The following PTCH2 variants were observed in gnomAD, a reference collection of about 807,000 sequenced individuals.
PTCH2 encodes the protein patched 2, also known as protein patched homolog 2.
A neutral mutation model predicts 117.9 loss-of-function variants in PTCH2; 96 were observed. That is an observed-to-expected ratio of 0.81 (90% CI 0.69 to 0.96). The LOEUF is 0.96. Ranked by LOEUF, PTCH2 falls within the 50% of genes least tolerant of loss-of-function variation. The pLI, the probability that PTCH2 is intolerant of heterozygous loss-of-function variation, is 0.00. For synonymous variants in PTCH2, 615 were observed against 660.9 expected (o/e 0.93, Z 1.06); for missense variants, 1,379 against 1,562.5 (o/e 0.88, Z 1.98).
rs2148877300 is a variant in PTCH2, at chr1:44,829,276, A to G, written c.1252T>C (p.Cys418Arg). The G allele has an allele frequency of 1.9e-6, 3 of 1,613,546 alleles. No individual in the cohort carries two copies. The East Asian group carries it at 6.7e-5, about 36-fold the overall frequency. Residue 418 changes from cysteine (C) to arginine (R), a missense_variant, in exon 10 of 22, where the codon TGC becomes CGC. Cys to Arg is a radical substitution (Grantham distance 180, BLOSUM62 -3). Coordinates refer to ENST00000372192, the MANE Select transcript of PTCH2 (RefSeq NM_003738.5). ...YACVTMLRWDCAQSQGSVGLA... is the reference protein window; with the variant it reads ...YACVTMLRWDRAQSQGSVGLA... ...CCCACGGAACCCTGGGACTGGGCGCAGTCCCACCGCAGCATGGTCACACAG... is the reference window on the plus strand; with the variant it reads ...CCCACGGAACCCTGGGACTGGGCGCGGTCCCACCGCAGCATGGTCACACAG...
chr1:44,826,927 GT>G lies in PTCH2; in HGVS notation c.2669del (p.Tyr890SerfsTer103), dbSNP rs1484736031. On this transcript the variant is annotated frameshift_variant, in exon 17 of 22. Coordinates refer to ENST00000372192, the MANE Select transcript of PTCH2 (RefSeq NM_003738.5). LOFTEE classifies it high-confidence loss of function. The surrounding 1 kb of genome is among the most constrained non-coding windows in gnomAD (Gnocchi z 5.1). ...PPPPEWLHDKYDTTGENLRIP... is the reference protein window; with the variant it reads ...PPPPEWLHDKXDTTGENLRIP... The stretch of plus-strand genomic sequence containing the variant: ...TGCGAAGGTTCTCCCCCGTGGTGTC[GT>G]ATTTGTCGTGCAGCCATTCAGGAGG... 2.5e-6 allele frequency: 4 copies of G among 1,613,958 alleles called. No homozygotes were observed. In the African/African-American group the frequency reaches 5.3e-5, roughly 22 times the overall value.
downstream of PTCH2, chr1:44,820,117 G>C (rs1652854718): frequency 3.0e-6 from 1 of 334,860 alleles, no homozygotes; most frequent in African/African-American, 2.2e-5. Flanking sequence ...ATGCGTGTAA[G>C]AGGCATCATG....
At position 44,828,310 on chromosome 1, in the gene PTCH2, G is replaced by A. The variant is rs1489608092; in HGVS notation, c.1695C>T (p.Leu565=). The A allele has an allele frequency of 1.2e-6, 2 of 1,613,904 alleles. No individual in the cohort carries two copies. The highest frequency in any genetic ancestry group is 1.7e-6 in the Non-Finnish European group (2 of 1,179,914). The part of the protein sequence containing the change: ...RRRHCQRLDV[L]CCFSSPCSAQ... The stretch of plus-strand genomic sequence containing the variant: ...GCAGGCAGTACCTGGAGAAGCAGCA[G>A]AGCACATCAAGGCGCTGGCAGTGGC... Residue 565 remains leucine (L), a synonymous_variant, in exon 13 of 22, where the codon CTC becomes CTT. Coordinates refer to ENST00000372192, the MANE Select transcript of PTCH2 (RefSeq NM_003738.5).
chr1:44,841,745 C>A, intron 2 of PTCH2, 102 bp downstream of exon 2: 2 of 1,341,286 alleles, frequency 1.5e-6, no homozygotes, highest in Non-Finnish European at 2.1e-6. Context: ...GACCCTCCAG[C>A]CCCAGGGCCA....
chr1:44,842,126 G>T, intron 1 of PTCH2, 87 bp from the exon 2 acceptor site: 1 of 1,316,926 alleles, frequency 7.6e-7, no homozygotes, highest in Non-Finnish European at 1.1e-6. Context: ...CTGCTGCCCA[G>T]CCCTCGCTTC....
chr1:44,828,954 AG>A (rs1452895049), intron 11 of PTCH2, 27 bp downstream of exon 11: 3 of 1,548,030 alleles, frequency 1.9e-6, no homozygotes, highest in Non-Finnish European at 2.6e-6. Flanking sequence ...GAGCTGCCTC[AG>A]ATGAGCCCTG....
rs1438532507 is a variant in PTCH2 at position 44,841,841 on chromosome 1, A to G, written c.265+6T>C. The G allele has an allele frequency of 6.2e-7, 1 of 1,613,930 alleles. No individual in the cohort carries two copies. ...TGAGCAGCTATGGCCAGTGTCCACA[A>G]CTTACCTTCTACCCAGAGCTGTTCC... is the stretch of plus-strand genomic sequence containing the variant. On this transcript the variant is annotated splice_donor_region_variant and intron_variant, in intron 2 of 21. Coordinates refer to ENST00000372192, the MANE Select transcript of PTCH2 (RefSeq NM_003738.5).
At chr1:44,820,390 C>T (rs1057408841), downstream of PTCH2, 1 of 614,572 alleles carries the variant, frequency 1.6e-6, no homozygotes, top group Non-Finnish European at 3.0e-6. Context: ...CCTGTCCCGC[C>T]GTCCTTACCC....
chr1:44,832,113 G>A lies in PTCH2; in HGVS notation c.455+39C>T, dbSNP rs368917372. 59 of 1,613,304 alleles carry A rather than the reference G, an allele frequency of 3.7e-5. 1 individual carries two copies. In the Middle Eastern group the frequency reaches 9.9e-4, roughly 27 times the overall value. ...TCCCACTCCAGAACCCCCACAGCACGCCTCGCCCCCAGCTGCTCAGGGGCT... is the reference window on the plus strand; with the variant it reads ...TCCCACTCCAGAACCCCCACAGCACACCTCGCCCCCAGCTGCTCAGGGGCT... On this transcript the variant is annotated intron_variant, in intron 3 of 21. Coordinates refer to ENST00000372192, the MANE Select transcript of PTCH2 (RefSeq NM_003738.5).
In PTCH2 at chr1:44,828,703, G is replaced by A. The variant is rs1653281818; in HGVS notation, c.1465-72C>T. On this transcript the variant is annotated intron_variant, in intron 11 of 21. Transcript: ENST00000372192. ...CCGTGTCAAAGTGGAGTGAAGGGGA[G>A]GCTCAGGAACTTGGGGTGCAGAGGT... The A allele has an allele frequency of 4.5e-6, 7 of 1,567,354 alleles. No homozygotes were observed. The South Asian group carries it at 8.1e-5, about 18-fold the overall frequency.
chr1:44,829,881 C>T, intron 7 of PTCH2, 28 bp downstream of exon 7: 1 of 1,614,004 alleles, frequency 6.2e-7, no homozygotes, highest in Non-Finnish European at 8.5e-7. Context: ...AACAGAGTCC[C>T]CTCACCAACT....
intron 14 of PTCH2, 30 bp from the exon 15 acceptor site, chr1:44,827,744 C>A (rs1379995143): frequency 6.2e-7 from 1 of 1,611,062 alleles, no homozygotes; most frequent in Non-Finnish European, 8.5e-7. Flanking sequence ...AGCTGGAGAC[C>A]CCAGGGCTGC....
chr1:44,827,456 G>A lies in PTCH2; in HGVS notation c.2317C>T (p.Pro773Ser), dbSNP rs572124699. 2 of 1,614,146 alleles carry A rather than the reference G, an allele frequency of 1.2e-6. No homozygotes were observed. The highest frequency in any genetic ancestry group is 2.2e-5 in the East Asian group (1 of 44,884). The change falls in exon 15 of 22, where the codon CCG becomes TCG. Residue 773 changes from proline (P) to serine (S), a missense_variant. Coordinates refer to ENST00000372192, the MANE Select transcript of PTCH2 (RefSeq NM_003738.5). Reference sequence around the variant, plus strand: ...CAGGTGCGGGGTGCCTGGGTGGCCGGTGGGGGCAGCACCGCCTTGAGGGAA... The same window carrying A: ...CAGGTGCGGGGTGCCTGGGTGGCCGATGGGGGCAGCACCGCCTTGAGGGAA... ...FSSLKAVLPPPATQAPRTWLH... is the reference protein window; with the variant it reads ...FSSLKAVLPPSATQAPRTWLH...
intron 2 of PTCH2, among the ~76,000 whole-genome samples, chr1:44,835,820 C>T (rs985674506): frequency 1.3e-5 from 2 of 152,060 alleles, no homozygotes; most frequent in African/African-American, 4.8e-5. Flanking sequence ...ACCAGGTGTG[C>T]GCAGGGAACT....
In PTCH2 at chr1:44,829,596, G is replaced by A; in HGVS notation, c.1083+18C>T. 1 of 1,614,210 alleles carries A rather than the reference G, an allele frequency of 6.2e-7. No homozygotes were observed. The highest frequency in any genetic ancestry group is 8.5e-7 in the Non-Finnish European group (1 of 1,180,038). On this transcript the variant is annotated intron_variant, in intron 8 of 21. Transcript: ENST00000372192. Reference sequence around the variant, plus strand: ...GGAATGGCCTCAGGGCACCCCCCTTGTCCTTGTCCATACCGACCTGCACAA... The same window carrying A: ...GGAATGGCCTCAGGGCACCCCCCTTATCCTTGTCCATACCGACCTGCACAA...
In PTCH2 at chr1:44,830,108, G is replaced by C; in HGVS notation, c.814-78C>G. 1.9e-6 allele frequency: 3 copies of C among 1,574,666 alleles called. No homozygotes were observed. The South Asian group carries it at 3.4e-5, about 18-fold the overall frequency. ...AGTGTCCCTGGGCTTCCACCTCCAG[G>C]AACCACGCTGCCATGAAGCTCAGTA... is the stretch of plus-strand genomic sequence containing the variant. On this transcript the variant is annotated intron_variant, in intron 6 of 21. Transcript: ENST00000372192.
Position 44,822,383 on chromosome 1 carries a change from C to T in PTCH2, c.*32G>A, listed in dbSNP as rs1652943551. 1.2e-6 allele frequency: 2 copies of T among 1,612,904 alleles called. No individual in the cohort carries two copies. Among genetic ancestry groups the T allele is most frequent in the African/African-American group, 2.7e-5 (2 of 74,930 alleles). On this transcript the variant is annotated 3_prime_UTR_variant, in exon 22 of 22. Transcript: ENST00000372192. Reference sequence around the variant, plus strand: ...GTGCTTCCCAGTGACCCCACACGCCCCACACATGGTCTCTGTGCTTCAGCT... The same window carrying T: ...GTGCTTCCCAGTGACCCCACACGCCTCACACATGGTCTCTGTGCTTCAGCT...
In PTCH2 at chr1:44,827,920, G is replaced by A; in HGVS notation, c.1981C>T (p.Leu661=). ...ETRQKAACKS[L]PCARWNLAHF... is the part of the protein sequence containing the mutation. ...GCAAGATTCCAGCGGGCACAGGGCA[G>A]GGACTTGCAGGCTGCCTTCTGCCTT... Residue 661 remains leucine, a synonymous_variant, in exon 14 of 22, where the codon CTG becomes TTG. Coordinates refer to ENST00000372192, the MANE Select transcript of PTCH2 (RefSeq NM_003738.5). The A allele has an allele frequency of 6.2e-7, 1 of 1,614,192 alleles. No homozygotes were observed. The highest frequency in any genetic ancestry group is 8.5e-7 in the Non-Finnish European group (1 of 1,180,048).
downstream of PTCH2, chr1:44,821,924 G>A (rs1227526128): frequency 7.3e-7 from 1 of 1,361,518 alleles, no homozygotes; most frequent in Non-Finnish European, 9.8e-7. Flanking sequence ...AAAAAGCACT[G>A]AAGTCATCTG....
Sources: allele counts gnomAD v4.1 joint callset (sites outside exome capture counted in the v4.1 genomes callset), GRCh38; gene constraint gnomAD v4.1.1; non-coding constraint Gnocchi (gnomAD v3.1); transcripts MANE v1.5; gene names NCBI Gene and HGNC (gene_info 2026-07-23, HGNC 2026-07-21).